DEPDC5: variants seen among roughly 807,000 people sequenced by gnomAD.
DEPDC5 encodes the protein DEP domain containing 5, GATOR1 subcomplex subunit.
A neutral mutation model predicts 217.3 loss-of-function variants in DEPDC5; 73 were observed. That is an observed-to-expected ratio of 0.34 (90% confidence interval 0.28 to 0.41). DEPDC5 has a LOEUF of 0.41. Ranked by LOEUF, DEPDC5 falls within the 10% of genes least tolerant of loss-of-function variation. The pLI is 1.00. For synonymous variants in DEPDC5, 733 were observed against 756.7 expected (o/e 0.97, Z 0.51); for missense variants, 1,675 against 2,070.1 (o/e 0.81, Z 3.70).
chr22:31,837,395 G>T lies in DEPDC5; in HGVS notation c.2354+240G>T, dbSNP rs2091091404. ...AGAGAGGGTCTCACTCTGTCGCTCG[G>T]GTTGGAGTACAGTGGTATGATCACA... On this transcript the variant is annotated intron_variant, in intron 26 of 42. Coordinates refer to ENST00000651528, the MANE Select transcript of DEPDC5 (RefSeq NM_001242896.3). 9.0e-6 allele frequency: 5 copies of T among 553,190 alleles called. No individual in the cohort carries two copies. The East Asian group carries it at 1.5e-4, about 17-fold the overall frequency. The allele number at this position is 553,190 out of a possible 1,614,324, so 34.3% of individuals were successfully genotyped here.
intron 18 of DEPDC5, among the ~76,000 whole-genome samples, chr22:31,808,274 T>A (rs2148683584): frequency 6.6e-6 from 1 of 150,928 alleles, no homozygotes; most frequent in Admixed American, 6.6e-5. Flanking sequence ...TTTTTTTTTT[T>A]TTGAGATGGA....
At chr22:31,805,077 C>T (rs1387455668) in intron 17 of DEPDC5, 162 bp downstream of exon 17, 5 of 613,028 alleles carry the variant, frequency 8.2e-6, no homozygotes, top group East Asian at 3.0e-5. Flanking sequence ...ACACACAAAG[C>T]AGTAGCAGTA....
chr22:31,780,943 C>T (rs1334769451), intron 8 of DEPDC5, among the ~76,000 whole-genome samples: 1 of 152,166 alleles, frequency 6.6e-6, no homozygotes. Context: ...CTGGGCCGGG[C>T]GCGGTGGCTC....
intron 36 of DEPDC5, chr22:31,875,570 G>GAA (rs1462607133): frequency 6.7e-6 from 1 of 150,020 alleles, no homozygotes; most frequent in African/African-American, 2.5e-5. Flanking sequence ...AAGAATATCT[G>GAA]AAATCAGTAT....
At chr22:31,893,446 C>A in intron 38 of DEPDC5, 136 bp from the exon 39 acceptor site, 2 of 790,808 alleles carry the variant, frequency 2.5e-6, no homozygotes, top group Middle Eastern at 2.7e-4. Flanking sequence ...TAGATGATTT[C>A]CAGGAAACTT....
chr22:31,897,281 C>A lies in DEPDC5; in HGVS notation c.4204-201C>A, dbSNP rs184631120. Reference sequence around the variant, plus strand: ...GTAAAGAGGAGCTGTGTGCTTAGCTCACAGTTTTTGTAGTATTTGTCAGGA... The same window carrying A: ...GTAAAGAGGAGCTGTGTGCTTAGCTAACAGTTTTTGTAGTATTTGTCAGGA... On this transcript the variant is annotated intron_variant, in intron 39 of 42. Transcript: ENST00000651528. Among the ~76,000 whole-genome samples, 665 of 152,302 alleles carry A rather than the reference C, an allele frequency of 4.4e-3. 1 individual carries two copies. The highest frequency in any genetic ancestry group is 0.013 in the African/African-American group (561 of 41,574).
chr22:31,821,018 T>C (rs926846784), intron 22 of DEPDC5, among the ~76,000 whole-genome samples: 1 of 152,262 alleles, frequency 6.6e-6, no homozygotes, highest in Non-Finnish European at 1.5e-5. Context: ...CAAGTTCTCC[T>C]TTCCCAGGAA....
intron 8 of DEPDC5, among the ~76,000 whole-genome samples, chr22:31,781,796 G>A (rs1423057722): frequency 3.3e-5 from 5 of 152,202 alleles, no homozygotes; most frequent in African/African-American, 1.2e-4. Context: ...GACTTTGAGA[G>A]GCCGAGGTGG....
At chr22:31,883,392 A>G (rs1314538412) in intron 38 of DEPDC5, among the ~76,000 whole-genome samples, 1 of 152,096 alleles carries the variant, frequency 6.6e-6, no homozygotes, top group Non-Finnish European at 1.5e-5. Flanking sequence ...TGTTAGAGGG[A>G]AGCACTGTCC....
At chr22:31,813,031 C>T (rs577431231) in intron 20 of DEPDC5, among the ~76,000 whole-genome samples, 2 of 152,242 alleles carry the variant, frequency 1.3e-5, no homozygotes, top group South Asian at 2.1e-4. Context: ...TGAGCCACTG[C>T]CCCCGCCAGA....
At chr22:31,870,257 C>A (rs2092804075) in intron 33 of DEPDC5, among the ~76,000 whole-genome samples, 1 of 152,100 alleles carries the variant, frequency 6.6e-6, no homozygotes, top group Admixed American at 6.6e-5. Context: ...TAGTGTAAAT[C>A]GTGTGGTTTG....
chr22:31,773,399 C>T (rs931712854), intron 7 of DEPDC5, among the ~76,000 whole-genome samples: 1 of 152,120 alleles, frequency 6.6e-6, no homozygotes, highest in Non-Finnish European at 1.5e-5. Flanking sequence ...GACAGGGTCT[C>T]ACTATGTTCC....
At chr22:31,786,255 CATAA>C (rs909830980) in intron 10 of DEPDC5, among the ~76,000 whole-genome samples, 28 of 149,958 alleles carry the variant, frequency 1.9e-4, no homozygotes, top group East Asian at 9.9e-4. Context: ...GACTCCATCT[CATAA>C]ATAAATAAAT....
chr22:31,840,612 A>G (rs1388848034), intron 27 of DEPDC5, among the ~76,000 whole-genome samples: 1 of 152,180 alleles, frequency 6.6e-6, no homozygotes, highest in African/African-American at 2.4e-5. Flanking sequence ...TGGCTGATCC[A>G]TGAGCCTCAT....
chr22:31,810,570 T>A lies in DEPDC5; in HGVS notation c.1374T>A (p.Asp458Glu). Residue 458 changes from aspartate to glutamate, a missense_variant, in exon 20 of 43, where the codon GAT (aspartate) becomes GAA (glutamate). Physicochemically the swap from Asp to Glu is conservative, Grantham distance 45 (BLOSUM62 2). Around this residue, in one of 11 missense-constraint regions of DEPDC5, gnomAD observed 628 missense variants for 762.1 expected, o/e 0.82. Transcript: ENST00000651528. Reference protein sequence around the residue: ...ESENALPIQVDYDAYDAQVFR... With the variant: ...ESENALPIQVEYDAYDAQVFR... ...AGAACGCCCTTCCCATCCAAGTAGA[T>A]TATGACGCCTATGACGCTCAAGTGT... 1 of 1,614,166 alleles carries A rather than the reference T, an allele frequency of 6.2e-7. No homozygotes were observed. The highest frequency in any genetic ancestry group is 8.5e-7 in the Non-Finnish European group (1 of 1,180,038).
At chr22:31,836,580 C>T (rs1393749997) in intron 25 of DEPDC5, among the ~76,000 whole-genome samples, 1 of 152,222 alleles carries the variant, frequency 6.6e-6, no homozygotes, top group Admixed American at 6.5e-5. Flanking sequence ...CCTTTCCCCA[C>T]CTAGCCACTC....
intron 29 of DEPDC5, among the ~76,000 whole-genome samples, chr22:31,844,220 G>A (rs762702297): frequency 2.4e-4 from 37 of 151,820 alleles, no homozygotes; most frequent in Non-Finnish European, 4.4e-4. Context: ...GAGTGAAACT[G>A]TCTCAAAAAA....
chr22:31,882,650 T>C (rs1602706940), intron 38 of DEPDC5, among the ~76,000 whole-genome samples: 2 of 152,210 alleles, frequency 1.3e-5, no homozygotes, highest in South Asian at 2.1e-4. Context: ...GCAGCAAGTG[T>C]ATAACACATT....
At chr22:31,844,173 C>T (rs2091571935) in intron 29 of DEPDC5, among the ~76,000 whole-genome samples, 1 of 152,030 alleles carries the variant, frequency 6.6e-6, no homozygotes, top group South Asian at 2.1e-4. Context: ...TTGCAGTGAG[C>T]CAAGATCAAG....
Sources: allele counts gnomAD v4.1 joint callset (sites outside exome capture counted in the v4.1 genomes callset), GRCh38; gene constraint gnomAD v4.1.1; regional missense constraint gnomAD v4.1.1; transcripts MANE v1.5; gene names NCBI Gene and HGNC (gene_info 2026-07-23, HGNC 2026-07-21).